LRP1: variants seen among roughly 807,000 people sequenced by gnomAD.
LRP1 encodes the protein LDL receptor related protein 1.
LRP1 carries 51 observed loss-of-function variants against 541.5 expected under a neutral mutation model. That is an observed-to-expected ratio of 0.09 (90% CI 0.08 to 0.12). LRP1 has a LOEUF of 0.12. Among genes scored for constraint, LRP1 ranks in the 10% least tolerant of loss-of-function variants. The pLI, the probability that LRP1 is intolerant of heterozygous loss-of-function variation, is 1.00. For synonymous variants in LRP1, 2,219 were observed against 2,470.8 expected, an observed-to-expected ratio of 0.90 and a Z score of 3.02; for missense variants, 3,878 against 6,376.2, an observed-to-expected ratio of 0.61 and a Z score of 13.34.
Position 57,159,812 on chromosome 12 carries a change from C to G in LRP1, c.1799-13C>G, listed in dbSNP as rs2035691336. Reference sequence around the variant, plus strand: ...TTGAAGCTGTTCATCACTGGTCCCTCTTCCCCCAACAGGCATCCACAATGT... The same window carrying G: ...TTGAAGCTGTTCATCACTGGTCCCTGTTCCCCCAACAGGCATCCACAATGT... On this transcript the variant is annotated splice_polypyrimidine_tract_variant and intron_variant, in intron 11 of 88. Coordinates refer to ENST00000243077, the MANE Select transcript of LRP1 (RefSeq NM_002332.3). 3 of 1,613,484 alleles carry G rather than the reference C, an allele frequency of 1.9e-6. No individual in the cohort carries two copies. The highest frequency in any genetic ancestry group is 1.7e-6 in the Non-Finnish European group (2 of 1,179,404).
In LRP1 at chr12:57,210,316, C is replaced by A; in HGVS notation, c.12590C>A (p.Pro4197His). Residue 4197 changes from proline to histidine, a missense_variant, in exon 82 of 89, where the codon CCT becomes CAT. By Grantham distance (77) the Pro-to-His change is moderately conservative. This residue lies in a region of LRP1 where 871 missense variants were observed against 1,212.4 expected (regional missense o/e 0.72). Coordinates refer to ENST00000243077, the MANE Select transcript of LRP1 (RefSeq NM_002332.3). Reference sequence around the variant, plus strand: ...CGGGCCCTTCCTGCAGCTCCCCGGCCTGGAACCTGTAACCTGCAGTGCTTC... The same window carrying A: ...CGGGCCCTTCCTGCAGCTCCCCGGCATGGAACCTGTAACCTGCAGTGCTTC... ...SPTPPPDAPRPGTCNLQCFNG... is the reference protein window; with the variant it reads ...SPTPPPDAPRHGTCNLQCFNG... 6.4e-7 allele frequency: 1 copy of A among 1,558,806 alleles called. No individual in the cohort carries two copies.
In LRP1 at chr12:57,205,076, A is replaced by G; in HGVS notation, c.11195-33A>G. The G allele has an allele frequency of 6.3e-7, 1 of 1,589,602 alleles. No homozygotes were observed. Among genetic ancestry groups the G allele is most frequent in the Non-Finnish European group, 8.6e-7 (1 of 1,164,866 alleles). On this transcript the variant is annotated intron_variant, in intron 72 of 88. Coordinates refer to ENST00000243077, the MANE Select transcript of LRP1 (RefSeq NM_002332.3). The surrounding 1 kb of genome is among the most constrained non-coding windows in gnomAD (Gnocchi z 4.6). ...CCGTGGGAGGAGGAGGCAGGGGAGA[A>G]TACCCAGGGCCTAAAGCCTCTGCCC...
intron 44 of LRP1, among the ~76,000 whole-genome samples, 162 bp from the exon 45 acceptor site, chr12:57,192,683 A>G (rs1315854447): frequency 6.6e-6 from 1 of 152,188 alleles, no homozygotes; most frequent in Non-Finnish European, 1.5e-5. Context: ...CTCCCACAGC[A>G]GCCATCCCCA....
chr12:57,173,961 A>T lies in LRP1; in HGVS notation c.3528A>T (p.Ser1176=), dbSNP rs1407957721. 1 of 1,614,184 alleles carries T rather than the reference A, an allele frequency of 6.2e-7. No homozygotes were observed. Among genetic ancestry groups the T allele is most frequent in the Admixed American group, 1.7e-5 (1 of 60,028 alleles). The change falls in exon 22 of 89, where the codon TCA becomes TCT. Residue 1176 remains serine, a synonymous_variant. Transcript: ENST00000243077. The surrounding 1 kb of genome is among the most constrained non-coding windows in gnomAD (Gnocchi z 4.7). ...CDGNDDCGDG[S]DEGELCDQCS... is the part of the protein sequence containing the mutation. The stretch of plus-strand genomic sequence containing the variant: ...GCAACGACGACTGTGGCGACGGCTC[A>T]GATGAGGGCGAGCTCTGCGGTGAGG...
Position 57,212,135 on chromosome 12 carries a change from C to T in LRP1, c.13368C>T (p.His4456=). ...RRVQGAKGFQ[H]QRMTNGAMNV... ...TCCCCAGGGCTAAGGGCTTCCAGCACCAACGGATGACCAACGGGGCCATGA... is the reference window on the plus strand; with the variant it reads ...TCCCCAGGGCTAAGGGCTTCCAGCATCAACGGATGACCAACGGGGCCATGA... The change falls in exon 88 of 89, where the codon CAC becomes CAT. Residue 4456 remains histidine, a synonymous_variant. Transcript: ENST00000243077. The surrounding 1 kb of genome is among the most constrained non-coding windows in gnomAD (Gnocchi z 5.0). 6.2e-7 allele frequency: 1 copy of T among 1,614,002 alleles called. No individual in the cohort carries two copies. Among genetic ancestry groups the T allele is most frequent in the Non-Finnish European group, 8.5e-7 (1 of 1,179,986 alleles).
At chr12:57,152,387 C>T (rs570192433) in intron 6 of LRP1, among the ~76,000 whole-genome samples, 8 of 152,262 alleles carry the variant, frequency 5.3e-5, no homozygotes, top group South Asian at 2.1e-4. Context: ...AGACCCCTGC[C>T]GTGCCCACCA....
At chr12:57,132,557 C>T (rs1407646500) in intron 1 of LRP1, among the ~76,000 whole-genome samples, 1 of 152,246 alleles carries the variant, frequency 6.6e-6, no homozygotes, top group Non-Finnish European at 1.5e-5. Context: ...CCCAGGACAA[C>T]TGTGTCATCC....
chr12:57,162,591 C>T lies in LRP1; in HGVS notation c.2404+73C>T, dbSNP rs368632262. The T allele has an allele frequency of 4.8e-5, 74 of 1,548,316 alleles. No individual in the cohort carries two copies. In the Middle Eastern group the frequency reaches 1.5e-3, roughly 32 times the overall value. ...GGACTTAGGCATTGATTTGAGACTT[C>T]CCTGGGAGTGAAGGCACTTCCCAGG... is the stretch of plus-strand genomic sequence containing the variant. On this transcript the variant is annotated intron_variant, in intron 14 of 88. Coordinates refer to ENST00000243077, the MANE Select transcript of LRP1 (RefSeq NM_002332.3). This position sits in a 1 kb window ranked among gnomAD's most constrained non-coding sequence, Gnocchi z 5.2.
chr12:57,202,837 T>A, intron 68 of LRP1: 1 of 574,134 alleles, frequency 1.7e-6, no homozygotes, highest in Admixed American at 3.0e-5. Flanking sequence ...CCCTGTGCTG[T>A]GCCTCTACCC....
intron 15 of LRP1, among the ~76,000 whole-genome samples, chr12:57,163,528 G>A (rs1242087363): frequency 1.3e-5 from 2 of 150,250 alleles, no homozygotes; most frequent in African/African-American, 2.5e-5. Flanking sequence ...GCAGTGGGCC[G>A]AAATCATGCC....
Position 57,185,588 on chromosome 12 carries a change from G to T in LRP1, c.6521G>T (p.Gly2174Val). ...TGCCAGCAGCTGTGCCTGTACCGGG[G>T]CCGTGGGCAGCGGGCCTGCGCCTGT... ...GGCQQLCLYRGRGQRACACAH... is the reference protein window; with the variant it reads ...GGCQQLCLYRVRGQRACACAH... Residue 2174 changes from glycine to valine, a missense_variant, in exon 41 of 89, where the codon GGC (glycine) becomes GTC (valine). Physicochemically the swap from Gly to Val is moderately radical, Grantham distance 109. Coordinates refer to ENST00000243077, the MANE Select transcript of LRP1 (RefSeq NM_002332.3). This position sits in a 1 kb window ranked among gnomAD's most constrained non-coding sequence, Gnocchi z 4.9. 1 of 1,605,994 alleles carries T rather than the reference G, an allele frequency of 6.2e-7. No homozygotes were observed.
chr12:57,133,554 G>GGTTTGT (rs1235537891), intron 1 of LRP1, among the ~76,000 whole-genome samples: 1 of 152,050 alleles, frequency 6.6e-6, no homozygotes, highest in African/African-American at 2.4e-5. Context: ...TTTGGGTTTG[G>GGTTTGT]GAGGCCCTTG....
rs932275832 is a variant in LRP1, at chr12:57,209,305, AC to A, written c.12262+111del. 5.4e-6 allele frequency: 5 copies of A among 919,056 alleles called. No individual in the cohort carries two copies. The African/African-American group carries it at 6.6e-5, about 12-fold the overall frequency. The allele number at this position is 919,056 out of a possible 1,614,324, so 56.9% of individuals were successfully genotyped here. On this transcript the variant is annotated intron_variant, in intron 79 of 88. Transcript: ENST00000243077. Reference sequence around the variant, plus strand: ...CAATGCCTCCCATCCTTTGTCACTGACCCCCAGCAATGCTGCAGCGCCTTCC... The same window carrying A: ...CAATGCCTCCCATCCTTTGTCACTGACCCCAGCAATGCTGCAGCGCCTTCC...
At chr12:57,194,262 A>G in intron 48 of LRP1, 92 bp from the exon 49 acceptor site, 1 of 1,410,326 alleles carries the variant, frequency 7.1e-7, no homozygotes, top group East Asian at 2.4e-5. Flanking sequence ...CAACTTTTGG[A>G]AACACATGAA....
intron 6 of LRP1, chr12:57,146,595 G>A (rs1328173091): frequency 6.6e-6 from 1 of 152,180 alleles, no homozygotes; most frequent in African/African-American, 2.4e-5. Flanking sequence ...TCCCCGGGAT[G>A]GTGGCGAGCA....
intron 44 of LRP1, among the ~76,000 whole-genome samples, chr12:57,191,758 CAT>C (rs1432653572): frequency 2.2e-4 from 7 of 31,614 alleles, no homozygotes; most frequent in Non-Finnish European, 4.3e-4. Context: ...ACCCCCAACA[CAT>C]ACACACACAT....
chr12:57,199,936 C>T lies in LRP1; in HGVS notation c.9925C>T (p.Pro3309Ser), dbSNP rs768297468. 4 of 1,595,642 alleles carry T rather than the reference C, an allele frequency of 2.5e-6. No individual in the cohort carries two copies. The highest frequency in any genetic ancestry group is 3.4e-6 in the Non-Finnish European group (4 of 1,173,430). Residue 3309 changes from proline (P) to serine (S), a missense_variant, in exon 62 of 89, where the codon CCC becomes TCC. Physicochemically the swap from Pro to Ser is moderately conservative, Grantham distance 74. Around this residue, in one of 13 missense-constraint regions of LRP1, gnomAD observed 1,100 missense variants for 1,827.4 expected, o/e 0.60. Coordinates refer to ENST00000243077, the MANE Select transcript of LRP1 (RefSeq NM_002332.3). ...CTGCAGCAACCTGTGCCTGCTGTCC[C>T]CCGGGGGAGGGCACAAATGTGCCTG... ...GGCSNLCLLSPGGGHKCACPT... is the reference protein window; with the variant it reads ...GGCSNLCLLSSGGGHKCACPT...
chr12:57,200,286 C>A, intron 62 of LRP1, 156 bp from the exon 63 acceptor site: 1 of 667,390 alleles, frequency 1.5e-6, no homozygotes, highest in East Asian at 2.7e-5. Context: ...CCACGCAGCC[C>A]CATACCTGGC....
chr12:57,200,070 C>T (rs2136738644), intron 62 of LRP1, 45 bp downstream of exon 62: 1 of 1,514,946 alleles, frequency 6.6e-7, no homozygotes. Flanking sequence ...CGCTCCCCAA[C>T]CCCCAAATCC....
Sources: allele counts gnomAD v4.1 joint callset (sites outside exome capture counted in the v4.1 genomes callset), GRCh38; gene constraint gnomAD v4.1.1; regional missense constraint gnomAD v4.1.1; non-coding constraint Gnocchi (gnomAD v3.1); transcripts MANE v1.5; gene names NCBI Gene and HGNC (gene_info 2026-07-23, HGNC 2026-07-21).